The following SUPT3H variants were observed in gnomAD, a reference collection of about 807,000 sequenced individuals.
The protein encoded by SUPT3H is transcription initiation protein SPT3 homolog.
Under a neutral mutation model 44.3 loss-of-function variants are expected in SUPT3H, and 44 were observed. The ratio of observed to expected loss-of-function variants is 0.99; its 90% CI spans 0.78 to 1.28. SUPT3H has a LOEUF of 1.28. Among genes scored for constraint, SUPT3H ranks in the 50% most tolerant of loss-of-function variants. SUPT3H has a pLI of 0.00. For synonymous variants in SUPT3H, 124 were observed against 125.6 expected (o/e 0.99, Z 0.09); for missense variants, 380 against 387.1 (o/e 0.98, Z 0.15).
At chr6:45,036,532 T>A (rs746219107) in intron 3 of SUPT3H, among the ~76,000 whole-genome samples, 1 of 151,828 alleles carries the variant, frequency 6.6e-6, no homozygotes, top group African/African-American at 2.4e-5. Flanking sequence ...AAAAATGAGG[T>A]CACAGGTAAA....
intron 10 of SUPT3H, among the ~76,000 whole-genome samples, chr6:44,929,968 C>T (rs905916975): frequency 1.3e-5 from 2 of 152,216 alleles, no homozygotes; most frequent in South Asian, 4.1e-4. Context: ...CATAGGTAGC[C>T]TGGGCGCTGT....
intron 2 of SUPT3H, among the ~76,000 whole-genome samples, chr6:45,294,328 C>T (rs893764281): frequency 6.6e-6 from 1 of 152,112 alleles, no homozygotes; most frequent in Middle Eastern, 3.4e-3. Context: ...AGGGATATAC[C>T]TCAATATAAT....
intron 3 of SUPT3H, among the ~76,000 whole-genome samples, chr6:45,043,139 A>C (rs1007719065): frequency 1.1e-4 from 10 of 93,350 alleles, no homozygotes; most frequent in African/African-American, 4.2e-4. Flanking sequence ...TTACATACAC[A>C]CATACACACA....
chr6:44,895,267 T>G (rs973901010), intron 10 of SUPT3H, among the ~76,000 whole-genome samples: 2 of 151,146 alleles, frequency 1.3e-5, no homozygotes, highest in African/African-American at 4.9e-5. Flanking sequence ...TTTTTTTTTT[T>G]TTTTTTTTAA....
intron 2 of SUPT3H, among the ~76,000 whole-genome samples, chr6:45,283,258 G>C (rs1006725805): frequency 3.3e-5 from 5 of 152,060 alleles, no homozygotes; most frequent in African/African-American, 1.2e-4. Context: ...ATGTAAATGG[G>C]CTAAAGGCTC....
At chr6:45,154,645 C>G (rs1190601886) in intron 2 of SUPT3H, among the ~76,000 whole-genome samples, 2 of 152,200 alleles carry the variant, frequency 1.3e-5, no homozygotes, top group Non-Finnish European at 2.9e-5. Context: ...TTCAGAGGAA[C>G]TTAGTCCCAG....
At position 45,291,277 on chromosome 6, in the gene SUPT3H, G is replaced by C. The variant is rs568248967; in HGVS notation, c.101+73924C>G. ...ACTACATCAAGGGAACACCTCATGG[G>C]ACAAAAGAATCTGAACAACAGCCTT... On this transcript the variant is annotated intron_variant, in intron 2 of 10. Transcript: ENST00000371459. Among the ~76,000 whole-genome samples the C allele has an allele frequency of 2.6e-5, 4 of 152,276 alleles. No homozygotes were observed. The South Asian group carries it at 6.2e-4, about 24-fold the overall frequency.
At chr6:45,118,421 C>A (rs533143818) in intron 2 of SUPT3H, among the ~76,000 whole-genome samples, 1 of 151,992 alleles carries the variant, frequency 6.6e-6, no homozygotes, top group South Asian at 2.1e-4. Flanking sequence ...GTAATTAAGA[C>A]CCTAGCTTAG....
chr6:45,285,909 T>C (rs1392014453), intron 2 of SUPT3H, among the ~76,000 whole-genome samples: 1 of 151,694 alleles, frequency 6.6e-6, no homozygotes. Flanking sequence ...TATAGACCAA[T>C]GGAAAAGAAC....
At chr6:44,933,155 A>G (rs1029391833) in intron 9 of SUPT3H, among the ~76,000 whole-genome samples, 2 of 152,206 alleles carry the variant, frequency 1.3e-5, no homozygotes, top group African/African-American at 4.8e-5. Context: ...CTTCTTTGGC[A>G]CATTTCTGAA....
intron 2 of SUPT3H, among the ~76,000 whole-genome samples, chr6:45,113,369 G>A (rs1435062454): frequency 1.3e-5 from 2 of 152,134 alleles, no homozygotes; most frequent in Admixed American, 6.5e-5. Flanking sequence ...AAGTTTGGCC[G>A]TGATCAGTCA....
chr6:45,095,979 A>C lies in SUPT3H; in HGVS notation c.186+9943T>G, dbSNP rs1018514181. Among the ~76,000 whole-genome samples, 3 of 152,136 alleles carry C rather than the reference A, an allele frequency of 2.0e-5. No individual in the cohort carries two copies. Among genetic ancestry groups the C allele is most frequent in the African/African-American group, 7.2e-5 (3 of 41,448 alleles). ...AATCATGCCATTAAATAGCCCCATTATTAACGACAATAGCAACTATTACTA... is the reference window on the plus strand; with the variant it reads ...AATCATGCCATTAAATAGCCCCATTCTTAACGACAATAGCAACTATTACTA... On this transcript the variant is annotated intron_variant, in intron 3 of 10. Transcript: ENST00000371459. The surrounding 1 kb of genome is among the most constrained non-coding windows in gnomAD (Gnocchi z 4.1).
intron 2 of SUPT3H, among the ~76,000 whole-genome samples, chr6:45,182,049 C>T (rs1376035179): frequency 6.6e-6 from 1 of 151,932 alleles, no homozygotes; most frequent in East Asian, 1.9e-4. Context: ...AATACGTTTC[C>T]TTTTTTGTTG....
chr6:45,112,041 T>C (rs566824710), intron 2 of SUPT3H, among the ~76,000 whole-genome samples: 1 of 152,326 alleles, frequency 6.6e-6, no homozygotes, highest in Admixed American at 6.5e-5. Context: ...AGTACTGCAA[T>C]GAGCAGGTAA....
At chr6:45,107,425 T>TG (rs1799436953) in intron 2 of SUPT3H, among the ~76,000 whole-genome samples, 1 of 152,172 alleles carries the variant, frequency 6.6e-6, no homozygotes, top group Admixed American at 6.5e-5. Flanking sequence ...CATAAAATGA[T>TG]GGTGACACCC....
chr6:45,182,312 G>T (rs1299369033), intron 2 of SUPT3H, among the ~76,000 whole-genome samples: 2 of 152,212 alleles, frequency 1.3e-5, no homozygotes, highest in Admixed American at 1.3e-4. Flanking sequence ...CCAGGCTGGA[G>T]TGTAGTGGCG....
At chr6:45,134,659 A>C (rs914920381) in intron 2 of SUPT3H, among the ~76,000 whole-genome samples, 1 of 152,186 alleles carries the variant, frequency 6.6e-6, no homozygotes, top group Non-Finnish European at 1.5e-5. Flanking sequence ...CTCATTTCCA[A>C]AGAGAGAGAC....
At chr6:45,252,285 C>T (rs952267434) in intron 2 of SUPT3H, among the ~76,000 whole-genome samples, 3 of 152,178 alleles carry the variant, frequency 2.0e-5, no homozygotes, top group African/African-American at 7.2e-5. Flanking sequence ...TGACTTAATT[C>T]TCCAGCTGAA....
intron 2 of SUPT3H, among the ~76,000 whole-genome samples, chr6:45,359,048 C>T (rs1357456884): frequency 1.3e-5 from 2 of 152,076 alleles, no homozygotes; most frequent in Non-Finnish European, 2.9e-5. Context: ...TTCAAGAATT[C>T]ATTTCTGTAA....
Sources: gnomAD v4.1 joint callset for allele counts (sites outside exome capture counted in the v4.1 genomes callset) on GRCh38, gnomAD v4.1.1 for gene constraint, Gnocchi (gnomAD v3.1) non-coding constraint, MANE v1.5 for transcripts, NCBI Gene and HGNC (gene_info 2026-07-23, HGNC 2026-07-21) for gene names.